Variants in SHMT1 observed in about 807,000 individuals in gnomAD.
The protein encoded by SHMT1 is serine hydroxymethyltransferase 1, also known as serine hydroxymethyltransferase, cytosolic.
Under a neutral mutation model 49.0 loss-of-function variants are expected in SHMT1, and 45 were observed. That is an observed-to-expected ratio of 0.92 (90% confidence interval 0.72 to 1.18). The LOEUF is 1.18. SHMT1 is among the 50% of genes most tolerant of loss of function. SHMT1 has a pLI of 0.00. For missense variants in SHMT1, 541 were observed against 612.4 expected (o/e 0.88, Z 1.23); for synonymous variants, 232 against 246.6 (o/e 0.94, Z 0.55).
At position 18,353,819 on chromosome 17, in the gene SHMT1, T is replaced by A; in HGVS notation, c.97-2A>T. Reference sequence around the variant, plus strand: ...CTCCTTCTTAATGATGTTGTAAACCTTATGAGAAGAAAACAGATGCTTGAT... The same window carrying A: ...CTCCTTCTTAATGATGTTGTAAACCATATGAGAAGAAAACAGATGCTTGAT... On this transcript the variant is annotated splice_acceptor_variant, in intron 2 of 11. Transcript: ENST00000316694. LOFTEE classifies it high-confidence loss of function. 1 of 1,614,082 alleles carries A rather than the reference T, an allele frequency of 6.2e-7. No individual in the cohort carries two copies. The highest frequency in any genetic ancestry group is 1.1e-5 in the South Asian group (1 of 91,082).
At position 18,347,477 on chromosome 17, in the gene SHMT1, G is replaced by C; in HGVS notation, c.519+19C>G. 6.2e-7 allele frequency: 1 copy of C among 1,613,364 alleles called. No homozygotes were observed. Among genetic ancestry groups the C allele is most frequent in the Non-Finnish European group, 8.5e-7 (1 of 1,179,772 alleles). On this transcript the variant is annotated intron_variant, in intron 5 of 11. Coordinates refer to ENST00000316694, the MANE Select transcript of SHMT1 (RefSeq NM_004169.5). ...GGTTTCCCAAGGAAATAAAAGCTAGGAGAGAAACACATGCTTACCTTGTAG... is the reference window on the plus strand; with the variant it reads ...GGTTTCCCAAGGAAATAAAAGCTAGCAGAGAAACACATGCTTACCTTGTAG...
At position 18,355,050 on chromosome 17, in the gene SHMT1, C is replaced by CAAAAAA. The variant is rs768492183; in HGVS notation, c.96+830_96+835dup. ...TGAGCAACAGAGCAAGACTATATCTCAAAAAAAAAAAAAAAAAAAAAAAAA... is the reference window on the plus strand; with the variant it reads ...TGAGCAACAGAGCAAGACTATATCTCAAAAAAAAAAAAAAAAAAAAAAAAAAAAAAA... On this transcript the variant is annotated intron_variant, in intron 2 of 11. Coordinates refer to ENST00000316694, the MANE Select transcript of SHMT1 (RefSeq NM_004169.5). Among the ~76,000 whole-genome samples, 4 of 24,458 alleles carry CAAAAAA rather than the reference C, an allele frequency of 1.6e-4. 1 individual carries two copies. The highest frequency in any genetic ancestry group is 5.1e-4 in the African/African-American group (3 of 5,906). 16.0% of individuals were successfully genotyped at this position (24,458 alleles called of 152,430 possible).
In SHMT1 at chr17:18,340,504, T is replaced by C; in HGVS notation, c.601+228A>G. The stretch of plus-strand genomic sequence containing the variant: ...CAGCGCAGTCAGGGCCTGACATTTC[T>C]AGATGCTTCTCTGAGAACAGTCTCA... On this transcript the variant is annotated intron_variant, in intron 6 of 11. Coordinates refer to ENST00000316694, the MANE Select transcript of SHMT1 (RefSeq NM_004169.5). The surrounding 1 kb of genome is among the most constrained non-coding windows in gnomAD (Gnocchi z 4.5). 1.5e-6 allele frequency: 1 copy of C among 670,896 alleles called. No homozygotes were observed. Among genetic ancestry groups the C allele is most frequent in the Non-Finnish European group, 2.7e-6 (1 of 375,444 alleles). The allele number at this position is 670,896 out of a possible 1,614,324, so 41.6% of individuals were successfully genotyped here. A position where few individuals can be genotyped will look rare whatever the true frequency, so the allele number is the denominator to read the frequency against.
At chr17:18,349,746 C>T (rs1008730896) in intron 3 of SHMT1, among the ~76,000 whole-genome samples, 3 of 151,764 alleles carry the variant, frequency 2.0e-5, no homozygotes, top group Non-Finnish European at 2.9e-5. Flanking sequence ...CCGGGCCCGG[C>T]GTAGTGGCTC....
At chr17:18,338,098 C>T (rs1211232628) in intron 7 of SHMT1, among the ~76,000 whole-genome samples, 4 of 151,440 alleles carry the variant, frequency 2.6e-5, no homozygotes, top group Admixed American at 6.6e-5. Flanking sequence ...AGCGCCTCTT[C>T]CCGGCCGCCA....
chr17:18,347,623 A>G lies in SHMT1; in HGVS notation c.392T>C (p.Leu131Pro). The G allele has an allele frequency of 6.2e-7, 1 of 1,614,194 alleles. No homozygotes were observed. Among genetic ancestry groups the G allele is most frequent in the Non-Finnish European group, 8.5e-7 (1 of 1,180,026 alleles). Reference protein sequence around the residue: ...SPANFAVYTALVEPHGRIMGL... With the variant: ...SPANFAVYTAPVEPHGRIMGL... ...CATGATGCGCCCATGGGGTTCCACCAGGGCAGTGTACACAGCAAAGTTTGC... is the reference window on the plus strand; with the variant it reads ...CATGATGCGCCCATGGGGTTCCACCGGGGCAGTGTACACAGCAAAGTTTGC... Residue 131 changes from leucine to proline, a missense_variant, in exon 5 of 12, where the codon CTG becomes CCG. Transcript: ENST00000316694.
intron 3 of SHMT1, among the ~76,000 whole-genome samples, chr17:18,352,930 A>T (rs1985871236): frequency 6.6e-6 from 1 of 152,158 alleles, no homozygotes; most frequent in South Asian, 2.1e-4. Context: ...AATAAAGAAA[A>T]CACCTGGTGA....
At chr17:18,351,317 AT>A (rs554850574) in intron 3 of SHMT1, among the ~76,000 whole-genome samples, 6 of 148,516 alleles carry the variant, frequency 4.0e-5, no homozygotes, top group East Asian at 2.0e-4. Flanking sequence ...ATTTTTTTGT[AT>A]TTTTTTTTAG....
intron 5 of SHMT1, chr17:18,341,392 G>A (rs1001722013): frequency 6.2e-6 from 1 of 161,568 alleles, no homozygotes; most frequent in East Asian, 1.8e-4. Context: ...TGTAATCCCA[G>A]CACTTTGGGA....
intron 3 of SHMT1, among the ~76,000 whole-genome samples, chr17:18,351,099 T>G (rs1985647267): frequency 6.6e-6 from 1 of 152,072 alleles, no homozygotes; most frequent in Non-Finnish European, 1.5e-5. Flanking sequence ...TTAAATTATA[T>G]TAACAAAATA....
chr17:18,329,434 T>C (rs550341425), intron 10 of SHMT1, 46 bp from the exon 11 acceptor site: 3 of 1,432,162 alleles, frequency 2.1e-6, no homozygotes, highest in Non-Finnish European at 2.9e-6. Context: ...TTGTCACCAC[T>C]GTGATGGTGG....
intron 2 of SHMT1, among the ~76,000 whole-genome samples, chr17:18,354,713 G>A (rs1480252786): frequency 2.0e-5 from 3 of 151,898 alleles, no homozygotes; most frequent in Non-Finnish European, 2.9e-5. Context: ...CTCCCTCCCT[G>A]AACCTTATTC....
At chr17:18,344,879 G>A (rs569470635) in intron 5 of SHMT1, among the ~76,000 whole-genome samples, 2 of 152,304 alleles carry the variant, frequency 1.3e-5, no homozygotes, top group South Asian at 2.1e-4. Flanking sequence ...CTGGCCCTGC[G>A]TGGGGCTCTT....
At chr17:18,330,855 AG>A (rs1983134377) in intron 9 of SHMT1, 184 bp from the exon 10 acceptor site, 1 of 654,120 alleles carries the variant, frequency 1.5e-6, no homozygotes. Flanking sequence ...TGTGAAAGGA[AG>A]GACAGAGCAC....
intron 1 of SHMT1, among the ~76,000 whole-genome samples, chr17:18,358,518 G>A (rs778351545): frequency 1.2e-4 from 19 of 152,100 alleles, no homozygotes; most frequent in Non-Finnish European, 2.5e-4. Context: ...GCCCAGGGCT[G>A]CACAGAAAGT....
Position 18,328,764 on chromosome 17 carries a change from G to C in SHMT1, c.1438C>G (p.Leu480Val). ...GGCCCGCTCCTTTAGAAGTCAGGCA[G>C]GCCAGGCAGAGGGAAGAGAGAGGCG... ...SFASLFPLPG[L>V]PDF The change falls in exon 12 of 12, where the codon CTG (leucine) becomes GTG (valine). Residue 480 changes from leucine to valine, a missense_variant. Leu to Val is a conservative substitution (Grantham distance 32, BLOSUM62 1). Transcript: ENST00000316694. 3.2e-6 allele frequency: 5 copies of C among 1,582,330 alleles called. No homozygotes were observed. The highest frequency in any genetic ancestry group is 4.3e-6 in the Non-Finnish European group (5 of 1,163,072).
chr17:18,328,675 C>G lies in SHMT1; in HGVS notation c.*75G>C. 1 of 1,492,548 alleles carries G rather than the reference C, an allele frequency of 6.7e-7. No individual in the cohort carries two copies. The highest frequency in any genetic ancestry group is 9.1e-7 in the Non-Finnish European group (1 of 1,100,614). The allele number at this position is 1,492,548 out of a possible 1,614,324, so 92.5% of individuals were successfully genotyped here. On this transcript the variant is annotated 3_prime_UTR_variant, in exon 12 of 12. Transcript: ENST00000316694. Reference sequence around the variant, plus strand: ...CAGTTCCCCTTTGGAGCAGCTCATCCATCTCTCAGGTGGGGGTCCTCCGGC... The same window carrying G: ...CAGTTCCCCTTTGGAGCAGCTCATCGATCTCTCAGGTGGGGGTCCTCCGGC...
intron 3 of SHMT1, among the ~76,000 whole-genome samples, chr17:18,352,911 A>C (rs1308225068): frequency 6.6e-6 from 1 of 152,054 alleles, no homozygotes; most frequent in East Asian, 1.9e-4. Context: ...AAAAGAAAGG[A>C]GAGAGAGAAA....
intron 7 of SHMT1, among the ~76,000 whole-genome samples, chr17:18,339,077 AAAGAG>A (rs1984187013): frequency 1.3e-5 from 2 of 148,846 alleles, no homozygotes; most frequent in Admixed American, 6.7e-5. Context: ...AAAAAAAAAA[AAAGAG>A]TAATGTAGTC....
Sources: allele counts gnomAD v4.1 joint callset (sites outside exome capture counted in the v4.1 genomes callset), GRCh38; gene constraint gnomAD v4.1.1; non-coding constraint Gnocchi (gnomAD v3.1); transcripts MANE v1.5; gene names NCBI Gene and HGNC (gene_info 2026-07-23, HGNC 2026-07-21).